Variants in MAGI2 observed in about 807,000 individuals in gnomAD.
MAGI2 encodes the protein membrane-associated guanylate kinase, WW and PDZ domain-containing protein 2.
In MAGI2, 35 loss-of-function variants were observed where a neutral mutation model predicts 133.3. The ratio of observed to expected loss-of-function variants is 0.26; its 90% CI spans 0.20 to 0.35. The LOEUF is 0.35. MAGI2 is among the 10% of genes least tolerant of loss of function. The probability of loss-of-function intolerance (pLI) is 1.00; values close to 1 mark genes in which losing one functional copy is unlikely to be tolerated. For synonymous variants in MAGI2, 729 were observed against 710.6 expected (o/e 1.03, Z -0.41); for missense variants, 1,636 against 1,863.4 (o/e 0.88, Z 2.25).
At chr7:78,557,985 T>C (rs79423982) in intron 3 of MAGI2, among the ~76,000 whole-genome samples, 1 of 139,202 alleles carries the variant, frequency 7.2e-6, no homozygotes, top group Non-Finnish European at 1.5e-5. Flanking sequence ...CTTTTTTTTT[T>C]TTAAAAAATA....
chr7:79,359,644 A>T, intron 1 of MAGI2, among the ~76,000 whole-genome samples: 1 of 151,118 alleles, frequency 6.6e-6, no homozygotes, highest in Admixed American at 6.6e-5. Flanking sequence ...GACAGCAGAG[A>T]CCAAAAGGAA....
chr7:78,779,907 A>C (rs1475296495), intron 2 of MAGI2, among the ~76,000 whole-genome samples: 3 of 152,224 alleles, frequency 2.0e-5, no homozygotes, highest in Non-Finnish European at 2.9e-5. Flanking sequence ...CTCAAGGTCA[A>C]AGAGCCAAAG....
At chr7:79,189,371 T>A (rs1209976396) in intron 1 of MAGI2, among the ~76,000 whole-genome samples, 1 of 151,356 alleles carries the variant, frequency 6.6e-6, no homozygotes, top group East Asian at 1.9e-4. Flanking sequence ...ATTTCTTTGA[T>A]TATGGATGGG....
In MAGI2 at chr7:78,941,844, C is replaced by G. The variant is rs1430652140; in HGVS notation, c.418+65246G>C. ...TAAAAAACACCTGTTTTCCCCCTAC[C>G]CCTCCTTTTCTTCAATGGTCAAATT... On this transcript the variant is annotated intron_variant, in intron 2 of 21. Transcript: ENST00000354212. 2.6e-5 allele frequency among the ~76,000 whole-genome samples: 4 copies of G among 151,736 alleles called. No homozygotes were observed. The East Asian group carries it at 5.8e-4, about 22-fold the overall frequency.
At chr7:79,373,897 C>G (rs1276388177) in intron 1 of MAGI2, among the ~76,000 whole-genome samples, 1 of 151,894 alleles carries the variant, frequency 6.6e-6, no homozygotes, top group African/African-American at 2.4e-5. Flanking sequence ...AAGTAAATAA[C>G]AGCAAAAATT....
At chr7:78,785,218 G>C (rs776764803) in intron 2 of MAGI2, among the ~76,000 whole-genome samples, 4 of 152,114 alleles carry the variant, frequency 2.6e-5, no homozygotes, top group Non-Finnish European at 4.4e-5. Context: ...TAAAATGGGA[G>C]AAAAATCTAC....
At chr7:78,673,287 C>T (rs1814609902) in intron 2 of MAGI2, among the ~76,000 whole-genome samples, 1 of 151,910 alleles carries the variant, frequency 6.6e-6, no homozygotes, top group Admixed American at 6.6e-5. Flanking sequence ...TATATTCACA[C>T]ACACAGACAC....
chr7:78,975,658 A>C (rs10249654), intron 2 of MAGI2, among the ~76,000 whole-genome samples: 6,856 of 151,704 alleles, frequency 0.045, 467 homozygotes, highest in African/African-American at 0.15. Context: ...GAAAGTAAAT[A>C]ATGAAAATTA....
chr7:78,959,745 C>T (rs980104443), intron 2 of MAGI2, among the ~76,000 whole-genome samples: 1 of 152,054 alleles, frequency 6.6e-6, no homozygotes, highest in Non-Finnish European at 1.5e-5. Context: ...ATTACTGACC[C>T]CATAAATTGT....
chr7:79,062,132 G>A (rs1315366355), intron 1 of MAGI2, among the ~76,000 whole-genome samples: 1 of 151,944 alleles, frequency 6.6e-6, no homozygotes, highest in Non-Finnish European at 1.5e-5. Flanking sequence ...CAAACTACAG[G>A]CTCATGATTC....
intron 21 of MAGI2, among the ~76,000 whole-genome samples, chr7:78,070,218 T>TATATACACACACAC (rs1453553515): frequency 3.8e-5 from 2 of 52,294 alleles, no homozygotes; most frequent in South Asian, 8.7e-4. Context: ...TATATATATA[T>TATATACACACACAC]ACACACACAC....
At chr7:78,572,091 C>G (rs753260938) in intron 3 of MAGI2, among the ~76,000 whole-genome samples, 3 of 152,012 alleles carry the variant, frequency 2.0e-5, no homozygotes, top group Non-Finnish European at 4.4e-5. Context: ...AAAAAGAATT[C>G]TAAAACTAAA....
chr7:79,272,216 T>C (rs1262159994), intron 1 of MAGI2, among the ~76,000 whole-genome samples: 1 of 152,074 alleles, frequency 6.6e-6, no homozygotes, highest in Non-Finnish European at 1.5e-5. Context: ...TGTAATGAAA[T>C]CTCTGATTAT....
At chr7:78,885,628 A>AGTGTGTGTGTGT (rs61111430) in intron 2 of MAGI2, among the ~76,000 whole-genome samples, 24,790 of 148,768 alleles carry the variant, frequency 0.17, 2,448 homozygotes, top group Middle Eastern at 0.26. Context: ...TGAAAGGAAT[A>AGTGTGTGTGTGT]GTGTGTGTGT....
intron 9 of MAGI2, among the ~76,000 whole-genome samples, chr7:78,279,855 G>T (rs1348019418): frequency 6.6e-6 from 1 of 152,118 alleles, no homozygotes; most frequent in African/African-American, 2.4e-5. Context: ...AACTAAAGCG[G>T]CAGTGCTTAA....
At chr7:78,800,964 C>T (rs1056959170) in intron 2 of MAGI2, among the ~76,000 whole-genome samples, 2 of 152,070 alleles carry the variant, frequency 1.3e-5, no homozygotes, top group African/African-American at 4.8e-5. Context: ...ATAAAAATGA[C>T]CTATGAGAAC....
intron 2 of MAGI2, among the ~76,000 whole-genome samples, chr7:78,719,948 T>C (rs973918480): frequency 1.6e-4 from 25 of 152,176 alleles, no homozygotes; most frequent in Non-Finnish European, 3.4e-4. Context: ...TCTATAATTT[T>C]AGTTATTATA....
At chr7:78,722,814 T>C (rs1820392928) in intron 2 of MAGI2, among the ~76,000 whole-genome samples, 1 of 152,124 alleles carries the variant, frequency 6.6e-6, no homozygotes, top group Admixed American at 6.5e-5. Flanking sequence ...TGAGAATCCC[T>C]GGGGGAACTT....
At chr7:78,363,598 C>T (rs906371060) in intron 7 of MAGI2, among the ~76,000 whole-genome samples, 1 of 151,572 alleles carries the variant, frequency 6.6e-6, no homozygotes, top group Non-Finnish European at 1.5e-5. Flanking sequence ...ATGTTTCTTT[C>T]CAAATCAAAG....
Sources: allele counts gnomAD v4.1 joint callset (sites outside exome capture counted in the v4.1 genomes callset), GRCh38; gene constraint gnomAD v4.1.1; transcripts MANE v1.5; gene names NCBI Gene and HGNC (gene_info 2026-07-23, HGNC 2026-07-21).